The following PMP22 variants were observed in gnomAD, a reference collection of about 807,000 sequenced individuals.
PMP22 encodes the protein peripheral myelin protein 22.
PMP22 carries 2 observed loss-of-function variants against 18.9 expected under a neutral mutation model. The observed-to-expected ratio is 0.11, with a 90% confidence interval of 0.04 to 0.33. The LOEUF (loss-of-function observed/expected upper bound fraction) is 0.33, where lower values mean the gene tolerates loss of function less well. Ranked by LOEUF, PMP22 falls within the 10% of genes least tolerant of loss-of-function variation. The pLI is 1.00. For synonymous variants in PMP22, 95 were observed against 89.2 expected (o/e 1.07, Z -0.37); for missense variants, 169 against 202.2 (o/e 0.84, Z 1.00).
intron 3 of PMP22, among the ~76,000 whole-genome samples, chr17:15,242,674 G>C (rs934865120): frequency 1.3e-5 from 2 of 152,082 alleles, no homozygotes; most frequent in East Asian, 3.8e-4. Context: ...CCAAAAAGAA[G>C]AAAGAATATA....
chr17:15,261,103 A>T lies in PMP22; in HGVS notation c.-34-342T>A, dbSNP rs1231743887. 6.2e-6 allele frequency: 1 copy of T among 161,038 alleles called. No individual in the cohort carries two copies. Among genetic ancestry groups the T allele is most frequent in the African/African-American group, 2.4e-5 (1 of 41,504 alleles). 10.0% of individuals were successfully genotyped at this position (161,038 alleles called of 1,614,324 possible). A position where few individuals can be genotyped will look rare whatever the true frequency, so the allele number is the denominator to read the frequency against. On this transcript the variant is annotated intron_variant, in intron 1 of 4. Coordinates refer to ENST00000312280, the MANE Select transcript of PMP22 (RefSeq NM_000304.4). The surrounding 1 kb of genome is among the most constrained non-coding windows in gnomAD (Gnocchi z 5.2). ...CAGAGGCCACTGCACGCTTCCACCC[A>T]CCCCAAGCACCTCCCGGCGACCTCC... is the stretch of plus-strand genomic sequence containing the variant.
rs1353607905 is a variant in PMP22, at chr17:15,230,878, T to C, written c.*39A>G. On this transcript the variant is annotated 3_prime_UTR_variant, in exon 5 of 5. Transcript: ENST00000312280. ...TTCTGTTTTCCCTTCCTCCCTTCCC[T>C]ATGTACGCTCAGAGCCTCAGACAGA... The C allele has an allele frequency of 2.5e-6, 4 of 1,609,028 alleles. No individual in the cohort carries two copies. The highest frequency in any genetic ancestry group is 3.3e-5 in the Admixed American group (2 of 60,000).
chr17:15,243,399 G>A (rs1056387627), intron 3 of PMP22, among the ~76,000 whole-genome samples: 7 of 151,506 alleles, frequency 4.6e-5, no homozygotes, highest in Admixed American at 1.3e-4. Flanking sequence ...TATTGCAACT[G>A]GAACTGGAAA....
intron 1 of PMP22, among the ~76,000 whole-genome samples, chr17:15,262,934 G>T (rs1453800966): frequency 6.6e-6 from 1 of 152,074 alleles, no homozygotes; most frequent in Non-Finnish European, 1.5e-5. Context: ...CGCCGACCGC[G>T]CCCGCGCGGG....
At chr17:15,260,071 G>A (rs1909182902) in intron 2 of PMP22, among the ~76,000 whole-genome samples, 1 of 152,070 alleles carries the variant, frequency 6.6e-6, no homozygotes. Context: ...TCATCGCCAA[G>A]AAAATAACTT....
At chr17:15,239,430 T>G in intron 4 of PMP22, 41 bp downstream of exon 4, 2 of 1,609,922 alleles carry the variant, frequency 1.2e-6, no homozygotes, top group Non-Finnish European at 1.7e-6. Flanking sequence ...CAGACTTGGA[T>G]GCACCCCGCT....
At position 15,239,463 on chromosome 17, in the gene PMP22, C is replaced by T. The variant is rs1907098112; in HGVS notation, c.319+8G>A. On this transcript the variant is annotated splice_region_variant and intron_variant, in intron 4 of 4. Transcript: ENST00000312280. ...GCTTCCACATGGACTTTACCATCCA[C>T]AACTTACCAGCAAGAATTTGGAAGA... is the stretch of plus-strand genomic sequence containing the variant. 1 of 1,614,256 alleles carries T rather than the reference C, an allele frequency of 6.2e-7. No individual in the cohort carries two copies. Among genetic ancestry groups the T allele is most frequent in the Non-Finnish European group, 8.5e-7 (1 of 1,180,042 alleles).
Position 15,239,515 on chromosome 17 carries a change from T to C in PMP22, c.275A>G (p.Lys92Arg), listed in dbSNP as rs112232836. 1 of 1,614,128 alleles carries C rather than the reference T, an allele frequency of 6.2e-7. No individual in the cohort carries two copies. Among genetic ancestry groups the C allele is most frequent in the African/African-American group, 1.3e-5 (1 of 75,052 alleles). ...TCCAGTGATGTAAAACCTGCCCCCC[T>C]TGGTGAGGGTGAAGAGTTGGCAGAA... The part of the protein sequence containing the change: ...LFFCQLFTLT[K>R]GGRFYITGIF... The change falls in exon 4 of 5, where the codon AAG becomes AGG. Residue 92 changes from lysine to arginine, a missense_variant. By Grantham distance (26) the Lys-to-Arg change is conservative. Transcript: ENST00000312280.
chr17:15,253,912 A>G (rs1412404148), intron 3 of PMP22, among the ~76,000 whole-genome samples: 1 of 152,256 alleles, frequency 6.6e-6, no homozygotes, highest in East Asian at 1.9e-4. Flanking sequence ...TTTGTCCAGT[A>G]AAACATAAGC....
At chr17:15,241,527 C>T (rs1222627437) in intron 3 of PMP22, among the ~76,000 whole-genome samples, 1 of 152,106 alleles carries the variant, frequency 6.6e-6, no homozygotes, top group Non-Finnish European at 1.5e-5. Flanking sequence ...CTTCTCCAAT[C>T]CTGAGATACT....
At chr17:15,254,332 C>T (rs956953392) in intron 3 of PMP22, among the ~76,000 whole-genome samples, 5 of 152,134 alleles carry the variant, frequency 3.3e-5, no homozygotes, top group South Asian at 2.1e-4. Flanking sequence ...GCTGCCCTGG[C>T]GCCTCTGACA....
At chr17:15,233,465 T>A (rs1383765903) in intron 4 of PMP22, among the ~76,000 whole-genome samples, 5 of 152,240 alleles carry the variant, frequency 3.3e-5, no homozygotes, top group Non-Finnish European at 7.3e-5. Flanking sequence ...AAAGCCCTTT[T>A]GAAGAGAAAG....
chr17:15,257,995 A>G (rs1243521085), intron 3 of PMP22, among the ~76,000 whole-genome samples: 2 of 152,238 alleles, frequency 1.3e-5, no homozygotes, highest in African/African-American at 4.8e-5. Flanking sequence ...GGGAAAGTCC[A>G]GCAAAGCAAC....
rs1329878752 is a variant in PMP22, at chr17:15,230,830, T to C, written c.*87A>G. ...TTGGTTTGAGTTTGGGATTTTGGGC[T>C]AGCTCTTTTTTCTTTGTCTGCTTTC... On this transcript the variant is annotated 3_prime_UTR_variant, in exon 5 of 5. Transcript: ENST00000312280. The C allele has an allele frequency of 6.8e-7, 1 of 1,469,424 alleles. No homozygotes were observed. Among genetic ancestry groups the C allele is most frequent in the Admixed American group, 1.7e-5 (1 of 59,474 alleles). The allele number at this position is 1,469,424 out of a possible 1,614,324, so 91.0% of individuals were successfully genotyped here.
rs1365914184 is a variant in PMP22 at position 15,230,999 on chromosome 17, A to G, written c.401T>C (p.Phe134Ser). The G allele has an allele frequency of 1.2e-6, 2 of 1,614,066 alleles. No homozygotes were observed. Among genetic ancestry groups the G allele is most frequent in the Non-Finnish European group, 1.7e-6 (2 of 1,180,026 alleles). ...WHLNSDYSYG[F>S]AYILAWVAFP... The stretch of plus-strand genomic sequence containing the variant: ...GGCCACCCAGGCCAGGATGTAGGCG[A>G]AACCGTAGGAGTAATCCGAGTTGAG... The change falls in exon 5 of 5, where the codon TTC (phenylalanine) becomes TCC (serine). Residue 134 changes from phenylalanine (F) to serine (S), a missense_variant. Transcript: ENST00000312280.
At chr17:15,240,826 A>T (rs1907256850) in intron 3 of PMP22, among the ~76,000 whole-genome samples, 1 of 152,232 alleles carries the variant, frequency 6.6e-6, no homozygotes, top group Admixed American at 6.5e-5. Context: ...CTTCAAAAGC[A>T]TACCTTCAAT....
intron 3 of PMP22, among the ~76,000 whole-genome samples, chr17:15,242,420 T>A (rs934435129): frequency 3.9e-5 from 6 of 151,996 alleles, no homozygotes; most frequent in African/African-American, 1.4e-4. Flanking sequence ...ATAGAACTTA[T>A]GTTGAAAGGA....
chr17:15,263,672 A>G (rs1033071532), intron 1 of PMP22, among the ~76,000 whole-genome samples: 1 of 152,094 alleles, frequency 6.6e-6, no homozygotes, highest in Admixed American at 6.5e-5. Flanking sequence ...ATTCTATATT[A>G]TTTTACGATT....
intron 4 of PMP22, among the ~76,000 whole-genome samples, chr17:15,234,243 AAC>A (rs1269308386): frequency 6.6e-6 from 1 of 152,186 alleles, no homozygotes; most frequent in African/African-American, 2.4e-5. Context: ...GGCAAGTGGG[AAC>A]ACAGCGATGT....
Sources: allele counts gnomAD v4.1 joint callset (sites outside exome capture counted in the v4.1 genomes callset), GRCh38; gene constraint gnomAD v4.1.1; non-coding constraint Gnocchi (gnomAD v3.1); transcripts MANE v1.5; gene names NCBI Gene and HGNC (gene_info 2026-07-23, HGNC 2026-07-21).